The following KCNH7 variants were observed in gnomAD, a reference collection of about 807,000 sequenced individuals.
KCNH7 encodes the protein potassium voltage-gated channel subfamily H member 7.
KCNH7 carries 49 observed loss-of-function variants against 120.8 expected under a neutral mutation model. The observed-to-expected ratio is 0.41, with a 90% CI of 0.32 to 0.51. KCNH7 has a LOEUF of 0.51. KCNH7 is among the 20% of genes least tolerant of loss of function. KCNH7 has a pLI of 0.38. For synonymous variants in KCNH7, 547 were observed against 516.1 expected (o/e 1.06, Z -0.81); for missense variants, 1,097 against 1,446.6 (o/e 0.76, Z 3.92).
At chr2:162,778,317 T>C (rs370390293) in intron 2 of KCNH7, among the ~76,000 whole-genome samples, 6 of 152,318 alleles carry the variant, frequency 3.9e-5, no homozygotes, top group African/African-American at 1.4e-4. Context: ...GATTTTTACC[T>C]GTTTTATTCA....
chr2:162,442,800 G>T (rs981573080), intron 7 of KCNH7, among the ~76,000 whole-genome samples: 1 of 152,134 alleles, frequency 6.6e-6, no homozygotes, highest in African/African-American at 2.4e-5. Flanking sequence ...AGGCTGCATT[G>T]AGCTGAGATC....
At chr2:162,392,026 A>C (rs1481942177) in intron 12 of KCNH7, among the ~76,000 whole-genome samples, 1 of 152,074 alleles carries the variant, frequency 6.6e-6, no homozygotes, top group East Asian at 1.9e-4. Flanking sequence ...AGTCCAATTC[A>C]AGAAATATTT....
At chr2:162,604,225 T>A (rs775116334) in intron 2 of KCNH7, among the ~76,000 whole-genome samples, 1 of 152,130 alleles carries the variant, frequency 6.6e-6, no homozygotes, top group Non-Finnish European at 1.5e-5. Flanking sequence ...CATGGTTAAG[T>A]TGCTTTGGTG....
chr2:162,687,345 T>C (rs1003026348), intron 2 of KCNH7, among the ~76,000 whole-genome samples: 5 of 152,280 alleles, frequency 3.3e-5, no homozygotes, highest in African/African-American at 1.2e-4. Flanking sequence ...GGACAGTGGC[T>C]AAACATAACT....
chr2:162,560,351 A>T (rs1693016989), intron 2 of KCNH7, among the ~76,000 whole-genome samples: 1 of 152,176 alleles, frequency 6.6e-6, no homozygotes, highest in Admixed American at 6.5e-5. Context: ...GCTAACTTCT[A>T]ACTGTAACAT....
chr2:162,427,107 T>C (rs983596679), intron 8 of KCNH7, among the ~76,000 whole-genome samples: 2 of 152,076 alleles, frequency 1.3e-5, no homozygotes, highest in Non-Finnish European at 2.9e-5. Flanking sequence ...TACCACAGTT[T>C]GTTTATCTCT....
chr2:162,397,457 T>C (rs1686947528), intron 10 of KCNH7, among the ~76,000 whole-genome samples: 1 of 151,844 alleles, frequency 6.6e-6, no homozygotes, highest in African/African-American at 2.4e-5. Flanking sequence ...CTTTTGAATC[T>C]GCCCTTAAAA....
intron 9 of KCNH7, among the ~76,000 whole-genome samples, chr2:162,417,048 TG>T (rs1234166043): frequency 6.6e-6 from 1 of 152,198 alleles, no homozygotes; most frequent in Non-Finnish European, 1.5e-5. Flanking sequence ...GAACTACATC[TG>T]AATGTTTTCA....
chr2:162,590,766 G>T (rs1564955), intron 2 of KCNH7, among the ~76,000 whole-genome samples: 1 of 151,810 alleles, frequency 6.6e-6, no homozygotes, highest in Non-Finnish European at 1.5e-5. Context: ...TCTGTAGCCT[G>T]GGTGACTGTA....
intron 2 of KCNH7, among the ~76,000 whole-genome samples, chr2:162,655,466 G>T (rs938121583): frequency 6.6e-6 from 1 of 152,120 alleles, no homozygotes; most frequent in East Asian, 1.9e-4. Context: ...TCTGCAAAAT[G>T]AGGATAATAA....
chr2:162,374,234 A>C (rs1301856937), intron 14 of KCNH7, among the ~76,000 whole-genome samples: 1 of 152,170 alleles, frequency 6.6e-6, no homozygotes, highest in African/African-American at 2.4e-5. Context: ...CCCTCTTAAT[A>C]TGTCATGGCC....
At chr2:162,755,974 A>C (rs2105442387) in intron 2 of KCNH7, among the ~76,000 whole-genome samples, 1 of 152,280 alleles carries the variant, frequency 6.6e-6, no homozygotes, top group East Asian at 1.9e-4. Flanking sequence ...CAAAACACTA[A>C]GTTAAGAGAA....
At chr2:162,806,337 G>A (rs1684539209) in intron 2 of KCNH7, among the ~76,000 whole-genome samples, 1 of 152,104 alleles carries the variant, frequency 6.6e-6, no homozygotes, top group African/African-American at 2.4e-5. Context: ...CCTTCAAAGA[G>A]GAGCTTTTGG....
At chr2:162,519,977 C>T (rs575913668) in intron 3 of KCNH7, among the ~76,000 whole-genome samples, 5 of 151,752 alleles carry the variant, frequency 3.3e-5, no homozygotes, top group African/African-American at 1.2e-4. Context: ...TCTACATGCA[C>T]ATATTTAATT....
chr2:162,758,067 A>G (rs1168573054), intron 2 of KCNH7, among the ~76,000 whole-genome samples: 1 of 152,178 alleles, frequency 6.6e-6, no homozygotes, highest in African/African-American at 2.4e-5. Context: ...AAAAGTAAAA[A>G]CAACTTATTT....
intron 6 of KCNH7, among the ~76,000 whole-genome samples, chr2:162,456,600 G>A (rs1688971952): frequency 6.6e-6 from 1 of 151,974 alleles, no homozygotes; most frequent in Non-Finnish European, 1.5e-5. Context: ...ATTGAGAGTG[G>A]GGTGTTAAAG....
intron 11 of KCNH7, 111 bp downstream of exon 11, chr2:162,396,629 T>C: frequency 1.4e-6 from 1 of 736,250 alleles, no homozygotes; most frequent in South Asian, 2.0e-5. Flanking sequence ...ATATTCAGAA[T>C]TGGTAAAGTC....
intron 2 of KCNH7, among the ~76,000 whole-genome samples, chr2:162,812,338 A>T (rs1434533268): frequency 1.3e-4 from 20 of 152,178 alleles, no homozygotes; most frequent in Non-Finnish European, 2.9e-4. Context: ...TGAGGGATGC[A>T]GAGACTGGCA....
intron 2 of KCNH7, among the ~76,000 whole-genome samples, chr2:162,685,049 G>T (rs1007109038): frequency 6.6e-6 from 1 of 152,070 alleles, no homozygotes; most frequent in Admixed American, 6.6e-5. Context: ...CCTTTGCGGG[G>T]ACATGGATAA....
Sources: gnomAD v4.1 joint callset for allele counts (sites outside exome capture counted in the v4.1 genomes callset) on GRCh38, gnomAD v4.1.1 for gene constraint, MANE v1.5 for transcripts, NCBI Gene and HGNC (gene_info 2026-07-23, HGNC 2026-07-21) for gene names.